Variants in HPSE2 observed in about 807,000 individuals in gnomAD.
HPSE2 encodes the protein heparanase 2 (inactive).
Under a neutral mutation model 60.5 loss-of-function variants are expected in HPSE2, and 38 were observed. The observed-to-expected ratio is 0.63, with a 90% CI of 0.48 to 0.82. The LOEUF (loss-of-function observed/expected upper bound fraction) is 0.82. Ranked by LOEUF, HPSE2 falls within the 40% of genes least tolerant of loss-of-function variation. HPSE2 has a pLI of 0.00. For synonymous variants in HPSE2, 295 were observed against 293.2 expected, an observed-to-expected ratio of 1.01 and a Z score of -0.06; for missense variants, 713 against 740.4, an observed-to-expected ratio of 0.96 and a Z score of 0.43.
chr10:99,163,493 C>T (rs1255760910), intron 2 of HPSE2, among the ~76,000 whole-genome samples: 1 of 152,116 alleles, frequency 6.6e-6, no homozygotes, highest in Non-Finnish European at 1.5e-5. Flanking sequence ...TGTATGTACA[C>T]GTGTGTACAT....
At chr10:99,282,400 C>T in the HPSE2 span, among the ~76,000 whole-genome samples, 1 of 151,958 alleles carries the variant, frequency 6.6e-6, no homozygotes. Context: ...AACTAAAGGG[C>T]AAAATATATA....
intron 4 of HPSE2, among the ~76,000 whole-genome samples, chr10:98,725,682 C>T (rs1426069281): frequency 6.6e-5 from 10 of 152,134 alleles, no homozygotes; most frequent in South Asian, 2.1e-4. Flanking sequence ...CAACAGAAAC[C>T]ACCATCAGAG....
At chr10:98,500,426 T>C (rs866846902) in intron 9 of HPSE2, among the ~76,000 whole-genome samples, 12 of 152,172 alleles carry the variant, frequency 7.9e-5, no homozygotes, top group Non-Finnish European at 1.5e-4. Flanking sequence ...TGAATGAGCA[T>C]TGGGTCAAAA....
chr10:99,265,833 T>C, the HPSE2 span, among the ~76,000 whole-genome samples: 2 of 151,984 alleles, frequency 1.3e-5, no homozygotes, highest in African/African-American at 4.8e-5. Flanking sequence ...GAAAGGGGGA[T>C]TGTCCACGCC....
chr10:99,162,824 ACTT>A (rs1846897714), intron 2 of HPSE2, among the ~76,000 whole-genome samples: 1 of 152,020 alleles, frequency 6.6e-6, no homozygotes, highest in Non-Finnish European at 1.5e-5. Context: ...AATACTATCT[ACTT>A]CTTATCTGGA....
chr10:98,764,823 C>T (rs1385056669), intron 3 of HPSE2, among the ~76,000 whole-genome samples: 1 of 152,124 alleles, frequency 6.6e-6, no homozygotes, highest in Non-Finnish European at 1.5e-5. Flanking sequence ...CACCACTGCA[C>T]TCCAGCCTGG....
At chr10:99,154,801 G>C (rs1326238194) in intron 2 of HPSE2, among the ~76,000 whole-genome samples, 1 of 151,934 alleles carries the variant, frequency 6.6e-6, no homozygotes. Flanking sequence ...AAAAGACACA[G>C]ACTGGCAAAT....
chr10:98,583,201 A>G (rs1195450290), intron 9 of HPSE2, among the ~76,000 whole-genome samples: 1 of 152,196 alleles, frequency 6.6e-6, no homozygotes, highest in African/African-American at 2.4e-5. Flanking sequence ...TTCTACACCC[A>G]AGTAAATAAC....
intron 4 of HPSE2, among the ~76,000 whole-genome samples, chr10:98,726,963 G>A (rs781398305): frequency 2.6e-5 from 4 of 152,044 alleles, no homozygotes; most frequent in East Asian, 1.9e-4. Flanking sequence ...CTGGCAAAAG[G>A]TGGAAGGCTT....
intron 5 of HPSE2, among the ~76,000 whole-genome samples, chr10:98,709,306 T>G (rs1948621863): frequency 6.6e-6 from 1 of 152,204 alleles, no homozygotes; most frequent in African/African-American, 2.4e-5. Context: ...TCTGGTATTA[T>G]CCAAGGACTT....
At chr10:99,148,917 C>T (rs943974656) in intron 2 of HPSE2, among the ~76,000 whole-genome samples, 14 of 152,026 alleles carry the variant, frequency 9.2e-5, no homozygotes, top group African/African-American at 3.1e-4. Flanking sequence ...ACTGTTGGAA[C>T]AGTGTATACT....
intron 2 of HPSE2, among the ~76,000 whole-genome samples, chr10:99,221,379 T>G (rs957268853): frequency 6.6e-6 from 1 of 152,136 alleles, no homozygotes; most frequent in African/African-American, 2.4e-5. Context: ...TACTAGATTG[T>G]AGAAACTACA....
intron 3 of HPSE2, among the ~76,000 whole-genome samples, chr10:98,797,006 C>T (rs1453360389): frequency 6.6e-6 from 1 of 152,174 alleles, no homozygotes; most frequent in Non-Finnish European, 1.5e-5. Context: ...GGAAAGCATT[C>T]TCAAGAAGGA....
At chr10:99,111,987 T>C (rs1012819414) in intron 3 of HPSE2, among the ~76,000 whole-genome samples, 4 of 152,212 alleles carry the variant, frequency 2.6e-5, no homozygotes, top group African/African-American at 7.2e-5. Context: ...ATCATCTACA[T>C]ATCCCTAGTG....
chr10:99,130,608 A>C (rs1440246975), intron 3 of HPSE2, among the ~76,000 whole-genome samples: 1 of 152,184 alleles, frequency 6.6e-6, no homozygotes, highest in Admixed American at 6.5e-5. Flanking sequence ...GGGCTTGATT[A>C]ACTTTTATAC....
chr10:99,201,886 C>A lies in HPSE2; in HGVS notation c.448+30462G>T, dbSNP rs375566105. The stretch of plus-strand genomic sequence containing the variant: ...TCCAACTCCCAAGAAACCAAAATGG[C>A]CAGAAGATGAACACGACGCCATACT... On this transcript the variant is annotated intron_variant, in intron 2 of 11. Coordinates refer to ENST00000370552, the MANE Select transcript of HPSE2 (RefSeq NM_021828.5). Among the ~76,000 whole-genome samples, 16 of 152,148 alleles carry A rather than the reference C, an allele frequency of 1.1e-4. No homozygotes were observed. The South Asian group carries it at 1.7e-3, about 16-fold the overall frequency.
chr10:98,791,867 T>G (rs992962121), intron 3 of HPSE2, among the ~76,000 whole-genome samples: 1 of 152,218 alleles, frequency 6.6e-6, no homozygotes, highest in Non-Finnish European at 1.5e-5. Context: ...TGAATTCCTT[T>G]TTCTGTTACT....
At chr10:98,620,305 A>T (rs977954420) in intron 8 of HPSE2, among the ~76,000 whole-genome samples, 3 of 152,168 alleles carry the variant, frequency 2.0e-5, no homozygotes, top group African/African-American at 7.2e-5. Context: ...TAGAAAATGT[A>T]TGTTGTTTAC....
chr10:98,963,260 T>C (rs1955727788), intron 3 of HPSE2, among the ~76,000 whole-genome samples: 1 of 152,162 alleles, frequency 6.6e-6, no homozygotes, highest in Admixed American at 6.6e-5. Flanking sequence ...AGTTCAAATA[T>C]AATTGCAGAA....
Sources: gnomAD v4.1 joint callset for allele counts (sites outside exome capture counted in the v4.1 genomes callset) on GRCh38, gnomAD v4.1.1 for gene constraint, MANE v1.5 for transcripts, NCBI Gene and HGNC (gene_info 2026-07-23, HGNC 2026-07-21) for gene names.